MBD5: variants seen among roughly 807,000 people sequenced by gnomAD.
MBD5 encodes the protein methyl-CpG-binding domain protein 5.
MBD5 carries 13 observed loss-of-function variants against 117.3 expected under a neutral mutation model. The ratio of observed to expected loss-of-function variants is 0.11; its 90% CI spans 0.07 to 0.18. The LOEUF (loss-of-function observed/expected upper bound fraction) is 0.18, where lower values mean the gene tolerates loss of function less well. Among genes scored for constraint, MBD5 ranks in the 10% least tolerant of loss-of-function variants. The pLI is 1.00. For synonymous variants in MBD5, 727 were observed against 766.4 expected, an observed-to-expected ratio of 0.95 and a Z score of 0.85; for missense variants, 1,879 against 2,093.8, an observed-to-expected ratio of 0.90 and a Z score of 2.00.
At chr2:148,059,359 T>C (rs930399593) in intron 1 of MBD5, among the ~76,000 whole-genome samples, 1 of 152,216 alleles carries the variant, frequency 6.6e-6, no homozygotes, top group Non-Finnish European at 1.5e-5. Context: ...AATTTTGTAC[T>C]GGTAACCCGT....
chr2:148,407,290 G>T (rs1705109847), intron 4 of MBD5, among the ~76,000 whole-genome samples: 1 of 151,602 alleles, frequency 6.6e-6, no homozygotes, highest in Admixed American at 6.6e-5. Context: ...CTTGTATTTT[G>T]TAAGACTAAT....
intron 1 of MBD5, among the ~76,000 whole-genome samples, chr2:148,091,009 A>G (rs898849648): frequency 2.0e-5 from 3 of 152,192 alleles, no homozygotes; most frequent in Non-Finnish European, 4.4e-5. Flanking sequence ...ACAAGTCAGT[A>G]GCACTGCTAT....
At chr2:148,053,330 T>A (rs1191133109) in intron 1 of MBD5, among the ~76,000 whole-genome samples, 26 of 152,148 alleles carry the variant, frequency 1.7e-4, no homozygotes. Flanking sequence ...TACTTTAGCA[T>A]TTACATTTAA....
At chr2:148,301,227 C>G (rs1701770776) in intron 3 of MBD5, among the ~76,000 whole-genome samples, 1 of 152,132 alleles carries the variant, frequency 6.6e-6, no homozygotes, top group Non-Finnish European at 1.5e-5. Flanking sequence ...AAAAGCATAG[C>G]AGTAGCCTGT....
At chr2:148,197,658 C>G (rs1362157042) in intron 2 of MBD5, among the ~76,000 whole-genome samples, 2 of 152,152 alleles carry the variant, frequency 1.3e-5, no homozygotes, top group East Asian at 3.9e-4. Flanking sequence ...AAGTATGATG[C>G]TTCATTCTTC....
At chr2:148,038,646 C>A (rs1015426485) in intron 1 of MBD5, among the ~76,000 whole-genome samples, 6 of 151,422 alleles carry the variant, frequency 4.0e-5, no homozygotes, top group Admixed American at 3.9e-4. Context: ...AATTAATCTT[C>A]ACTGTATCTG....
rs1386320299 is a variant in MBD5 at position 148,336,960 on chromosome 2, A to G, written c.-679-5254A>G. Among the ~76,000 whole-genome samples the G allele has an allele frequency of 2.6e-5, 4 of 152,126 alleles. 1 individual carries two copies. The highest frequency in any genetic ancestry group is 5.9e-5 in the Non-Finnish European group (4 of 68,018). ...ATGTATTCCTTACCCTTCAAACCCC[A>G]GTCTCCTTTATGTCTTCCAGCTTAG... is the stretch of plus-strand genomic sequence containing the variant. On this transcript the variant is annotated intron_variant, in intron 3 of 13. Transcript: ENST00000642680.
intron 4 of MBD5, among the ~76,000 whole-genome samples, chr2:148,438,427 TTGTATC>T (rs1203176088): frequency 6.6e-6 from 1 of 152,192 alleles, no homozygotes; most frequent in Non-Finnish European, 1.5e-5. Flanking sequence ...GCTTTATACT[TTGTATC>T]TGTCATTATT....
chr2:148,022,651 T>G (rs1435926293), intron 1 of MBD5, among the ~76,000 whole-genome samples: 1 of 152,192 alleles, frequency 6.6e-6, no homozygotes, highest in East Asian at 1.9e-4. Flanking sequence ...TATTTACTGT[T>G]GTAAATTGAG....
intron 4 of MBD5, among the ~76,000 whole-genome samples, chr2:148,446,654 C>A (rs1447858488): frequency 6.9e-6 from 1 of 144,544 alleles, no homozygotes; most frequent in East Asian, 2.0e-4. Context: ...CTTGAGCTTG[C>A]TATCCGAGTA....
intron 2 of MBD5, among the ~76,000 whole-genome samples, chr2:148,182,966 T>G (rs1300209882): frequency 6.6e-6 from 1 of 152,230 alleles, no homozygotes. Flanking sequence ...CTTGCTTCAG[T>G]TAAACTCCCT....
At chr2:148,318,715 C>T (rs1291210710) in intron 3 of MBD5, among the ~76,000 whole-genome samples, 1 of 152,008 alleles carries the variant, frequency 6.6e-6, no homozygotes, top group East Asian at 1.9e-4. Context: ...GTACTTTCTC[C>T]AGTGTATTTT....
chr2:148,485,693 A>C, intron 9 of MBD5, 49 bp from the exon 10 acceptor site: 1 of 1,407,378 alleles, frequency 7.1e-7, no homozygotes, highest in Non-Finnish European at 9.8e-7. Flanking sequence ...GAGGCATCGA[A>C]TCTCCGAAGA....
At chr2:148,170,866 A>G (rs911263466) in intron 1 of MBD5, among the ~76,000 whole-genome samples, 3 of 152,244 alleles carry the variant, frequency 2.0e-5, no homozygotes, top group African/African-American at 2.4e-5. Flanking sequence ...GAACAATTCT[A>G]CACCAACCAA....
At chr2:148,443,873 C>T (rs1706408950) in intron 4 of MBD5, among the ~76,000 whole-genome samples, 1 of 151,124 alleles carries the variant, frequency 6.6e-6, no homozygotes, top group Non-Finnish European at 1.5e-5. Context: ...TTTAATTGTA[C>T]ATTTTAAAAT....
At chr2:148,084,065 CT>C (rs898631649) in intron 1 of MBD5, among the ~76,000 whole-genome samples, 1 of 152,166 alleles carries the variant, frequency 6.6e-6, no homozygotes. Flanking sequence ...TGTAGAAATG[CT>C]TTATAAAGTC....
At chr2:148,485,544 T>C (rs1423202829) in intron 9 of MBD5, 198 bp from the exon 10 acceptor site, 4 of 577,474 alleles carry the variant, frequency 6.9e-6, no homozygotes, top group Admixed American at 3.0e-5. Flanking sequence ...ATTAAAAAAC[T>C]AATTATACAA....
intron 1 of MBD5, among the ~76,000 whole-genome samples, chr2:148,038,535 GGAAAA>G (rs1694260681): frequency 6.8e-6 from 1 of 146,720 alleles, no homozygotes; most frequent in African/African-American, 2.5e-5. Flanking sequence ...AAAAAAAAAA[GGAAAA>G]GAAAAAGAAA....
chr2:148,043,146 C>A (rs1348002695), intron 1 of MBD5, among the ~76,000 whole-genome samples: 1 of 151,920 alleles, frequency 6.6e-6, no homozygotes, highest in Non-Finnish European at 1.5e-5. Context: ...AATTTCTAGG[C>A]CTGGCACTGT....
Sources: gnomAD v4.1 joint callset for allele counts (sites outside exome capture counted in the v4.1 genomes callset) on GRCh38, gnomAD v4.1.1 for gene constraint, MANE v1.5 for transcripts, NCBI Gene and HGNC (gene_info 2026-07-23, HGNC 2026-07-21) for gene names.